The following TENM4 variants were observed in gnomAD, a reference collection of about 807,000 sequenced individuals.
TENM4 encodes teneurin transmembrane protein 4, also known as teneurin-4.
TENM4 carries 82 observed loss-of-function variants against 243.3 expected under a neutral mutation model. That is an observed-to-expected ratio of 0.34 (90% CI 0.28 to 0.40). TENM4 has a LOEUF of 0.40. TENM4 is among the 10% of genes least tolerant of loss of function. The pLI, the probability that TENM4 is intolerant of heterozygous loss-of-function variation, is 1.00. For missense variants in TENM4, 3,138 were observed against 3,673.3 expected, an observed-to-expected ratio of 0.85 and a Z score of 3.77; for synonymous variants, 1,412 against 1,456.3, an observed-to-expected ratio of 0.97 and a Z score of 0.69.
intron 6 of TENM4, among the ~76,000 whole-genome samples, chr11:78,990,332 C>A (rs904546218): frequency 6.6e-6 from 1 of 152,080 alleles, no homozygotes; most frequent in Non-Finnish European, 1.5e-5. Context: ...CTTGGGGTCG[C>A]CTGGCTGTGG....
At chr11:79,148,321 G>A (rs1324178247) in intron 4 of TENM4, among the ~76,000 whole-genome samples, 1 of 152,134 alleles carries the variant, frequency 6.6e-6, no homozygotes, top group African/African-American at 2.4e-5. Context: ...TTCAAGTCCA[G>A]ATTATGGGAG....
chr11:78,871,084 G>T (rs1340604326), intron 9 of TENM4, among the ~76,000 whole-genome samples: 1 of 152,114 alleles, frequency 6.6e-6, no homozygotes, highest in Non-Finnish European at 1.5e-5. Context: ...ACATTGTGCT[G>T]GTTCCCAAGT....
Position 79,146,886 on chromosome 11 carries a change from A to C in TENM4, c.-66+1824T>G, listed in dbSNP as rs367595370. 2.0e-3 allele frequency among the ~76,000 whole-genome samples: 311 copies of C among 152,238 alleles called. 9 individuals carry two copies. The South Asian group carries it at 0.047, about 23-fold the overall frequency. Reference sequence around the variant, plus strand: ...GACTGACACCATAGCCTGTGTTTTCATTCCTCTGTTATACTCCTTAGAGGC... The same window carrying C: ...GACTGACACCATAGCCTGTGTTTTCCTTCCTCTGTTATACTCCTTAGAGGC... On this transcript the variant is annotated intron_variant, in intron 4 of 33. Coordinates refer to ENST00000278550, the MANE Select transcript of TENM4 (RefSeq NM_001098816.3).
rs898960838 is a variant in TENM4 at position 79,438,059 on chromosome 11, G to C, written c.-321+2450C>G. 6.6e-5 allele frequency among the ~76,000 whole-genome samples: 10 copies of C among 152,262 alleles called. No individual in the cohort carries two copies. In the East Asian group the frequency reaches 1.9e-3, roughly 29 times the overall value. On this transcript the variant is annotated intron_variant, in intron 1 of 33. Transcript: ENST00000278550. The surrounding 1 kb of genome is among the most constrained non-coding windows in gnomAD (Gnocchi z 4.1). The stretch of plus-strand genomic sequence containing the variant: ...AGCAAGGAACAGATTCAGACAGATC[G>C]GGGATTTCAGTGGGAGGGGACGAGA...
chr11:79,252,327 C>T lies in TENM4; in HGVS notation c.-264-36418G>A, dbSNP rs149389474. On this transcript the variant is annotated intron_variant, in intron 2 of 33. Transcript: ENST00000278550. The stretch of plus-strand genomic sequence containing the variant: ...TTGGCTCACTGCAAGCTCTGCCTCC[C>T]GCGTTCACGCCATTCTCCTGCTTCA... 6.1e-3 allele frequency among the ~76,000 whole-genome samples: 922 copies of T among 152,304 alleles called. 12 individuals carry two copies. Among genetic ancestry groups the T allele is most frequent in the African/African-American group, 0.02 (843 of 41,570 alleles).
At chr11:78,814,509 C>T (rs1232735683) in intron 12 of TENM4, 114 bp from the exon 13 acceptor site, 12 of 793,948 alleles carry the variant, frequency 1.5e-5, no homozygotes, top group Middle Eastern at 2.2e-4. Flanking sequence ...CTTGTGGCCC[C>T]GTCACTGAAA....
chr11:79,287,137 T>C (rs181003536), intron 2 of TENM4, among the ~76,000 whole-genome samples: 1 of 152,332 alleles, frequency 6.6e-6, no homozygotes, highest in East Asian at 1.9e-4. Flanking sequence ...CTAAGGAAAG[T>C]AGTATTGCCC....
chr11:79,191,543 C>T (rs542105619), intron 3 of TENM4: 10 of 162,486 alleles, frequency 6.2e-5, no homozygotes, highest in East Asian at 4.0e-4. Context: ...TCTGCCCGGC[C>T]GCCACCCCGT....
At chr11:79,252,797 C>T (rs907892965) in intron 2 of TENM4, among the ~76,000 whole-genome samples, 6 of 152,098 alleles carry the variant, frequency 3.9e-5, no homozygotes, top group Non-Finnish European at 8.8e-5. Flanking sequence ...ATGAGAGACT[C>T]ATGGAGCAGA....
chr11:79,011,190 G>A (rs973906116), intron 6 of TENM4, among the ~76,000 whole-genome samples: 7 of 152,226 alleles, frequency 4.6e-5, no homozygotes, highest in African/African-American at 1.7e-4. Flanking sequence ...GCCCACGCAT[G>A]GGCTCTGCCC....
At chr11:79,328,508 G>T (rs192518841) in intron 1 of TENM4, among the ~76,000 whole-genome samples, 3 of 152,236 alleles carry the variant, frequency 2.0e-5, no homozygotes, top group Admixed American at 1.3e-4. Context: ...GTGGCTTCTT[G>T]TTCCTGTGAC....
chr11:79,115,746 G>A (rs1174606750), intron 4 of TENM4, among the ~76,000 whole-genome samples: 1 of 152,216 alleles, frequency 6.6e-6, no homozygotes, highest in Non-Finnish European at 1.5e-5. Context: ...GCAAGGTGAG[G>A]AAACTGAGGC....
At chr11:79,293,349 A>G (rs1856388327) in intron 2 of TENM4, among the ~76,000 whole-genome samples, 1 of 152,032 alleles carries the variant, frequency 6.6e-6, no homozygotes, top group African/African-American at 2.4e-5. Flanking sequence ...TCTACTAAAA[A>G]TAAAACAATT....
intron 6 of TENM4, among the ~76,000 whole-genome samples, chr11:79,044,757 G>T (rs534531600): frequency 1.3e-5 from 2 of 152,242 alleles, no homozygotes; most frequent in African/African-American, 4.8e-5. Flanking sequence ...TGAGGATTAC[G>T]CAGACTACTT....
intron 31 of TENM4, among the ~76,000 whole-genome samples, chr11:78,670,999 ATC>A (rs776787519): frequency 5.9e-5 from 9 of 152,222 alleles, no homozygotes; most frequent in Non-Finnish European, 1.3e-4. Flanking sequence ...TCTCAAACCA[ATC>A]TTCCTATTCA....
Position 79,325,054 on chromosome 11 carries a change from C to G in TENM4, c.-320-27511G>C, listed in dbSNP as rs575767955. Among the ~76,000 whole-genome samples, 7 of 152,290 alleles carry G rather than the reference C, an allele frequency of 4.6e-5. No homozygotes were observed. The East Asian group carries it at 1.4e-3, about 29-fold the overall frequency. ...TACTGAAAGGCTCTAGTGGCCCTCC[C>G]CCATCTACCAGGATTCAAATAAATT... On this transcript the variant is annotated intron_variant, in intron 1 of 33. Coordinates refer to ENST00000278550, the MANE Select transcript of TENM4 (RefSeq NM_001098816.3).
chr11:79,040,398 TCCAGGAGCAGCCAGC>T (rs1186112485), intron 6 of TENM4, among the ~76,000 whole-genome samples: 2 of 152,204 alleles, frequency 1.3e-5, no homozygotes, highest in Non-Finnish European at 2.9e-5. Flanking sequence ...GCAGCCAGCC[TCCAGGAGCAGCCAGC>T]CTCCGGCCTC....
chr11:79,061,003 A>G (rs1410471230), intron 6 of TENM4, among the ~76,000 whole-genome samples: 1 of 152,118 alleles, frequency 6.6e-6, no homozygotes. Context: ...CTAGAGAAAG[A>G]TGGGAGAAGG....
chr11:78,875,754 A>G (rs1465726281), intron 9 of TENM4, among the ~76,000 whole-genome samples: 1 of 152,216 alleles, frequency 6.6e-6, no homozygotes, highest in East Asian at 1.9e-4. Flanking sequence ...GTTTGCACTT[A>G]ACAAATACTT....
Sources: gnomAD v4.1 joint callset for allele counts (sites outside exome capture counted in the v4.1 genomes callset) on GRCh38, gnomAD v4.1.1 for gene constraint, Gnocchi (gnomAD v3.1) non-coding constraint, MANE v1.5 for transcripts, NCBI Gene and HGNC (gene_info 2026-07-23, HGNC 2026-07-21) for gene names.